ACTR3C: variants seen among roughly 807,000 people sequenced by gnomAD.
The protein encoded by ACTR3C is actin-related protein 3C.
Under a neutral mutation model 26.3 loss-of-function variants are expected in ACTR3C, and 18 were observed. The observed-to-expected ratio is 0.68, with a 90% CI of 0.47 to 1.01. ACTR3C has a LOEUF of 1.01. ACTR3C is among the 50% of genes least tolerant of loss of function. ACTR3C has a pLI of 0.00. For missense variants in ACTR3C, 184 were observed against 250.7 expected (o/e 0.73, Z 1.80); for synonymous variants, 55 against 94.5 (o/e 0.58, Z 2.42).
the ACTR3C span, among the ~76,000 whole-genome samples, chr7:150,054,314 G>A: frequency 6.6e-6 from 1 of 152,230 alleles, no homozygotes; most frequent in Non-Finnish European, 1.5e-5. Context: ...CTGCAGGGAA[G>A]CATCTTAACC....
At chr7:149,971,334 C>T in the ACTR3C span, among the ~76,000 whole-genome samples, 1 of 152,098 alleles carries the variant, frequency 6.6e-6, no homozygotes. Context: ...CTGTGCCCTA[C>T]CGATGGGGTG....
At chr7:150,221,229 A>G in the ACTR3C span, among the ~76,000 whole-genome samples, 1 of 152,184 alleles carries the variant, frequency 6.6e-6, no homozygotes, top group Non-Finnish European at 1.5e-5. Context: ...GAGTACATCC[A>G]TTCCTTTCTG....
chr7:149,882,394 G>A, the ACTR3C span, among the ~76,000 whole-genome samples: 1 of 152,246 alleles, frequency 6.6e-6, no homozygotes, highest in South Asian at 2.1e-4. Context: ...CTGGGCCTGG[G>A]AGGTGGAGTC....
At chr7:149,939,103 C>A in the ACTR3C span, among the ~76,000 whole-genome samples, 2 of 152,000 alleles carry the variant, frequency 1.3e-5, no homozygotes, top group East Asian at 3.9e-4. Flanking sequence ...GCCTCAGACT[C>A]CTGAGTAGTT....
chr7:150,074,136 C>G, the ACTR3C span: 4 of 152,214 alleles, frequency 2.6e-5, no homozygotes, highest in African/African-American at 9.7e-5. Context: ...ACTCCAGGCC[C>G]AGGCTTGAGC....
chr7:150,136,070 G>C, the ACTR3C span, among the ~76,000 whole-genome samples: 2 of 152,156 alleles, frequency 1.3e-5, no homozygotes, highest in East Asian at 3.9e-4. Flanking sequence ...GAATATATGT[G>C]AGGACACTGA....
the ACTR3C span, among the ~76,000 whole-genome samples, chr7:150,227,688 G>GTTTTTTTTT: frequency 2.0e-4 from 22 of 111,378 alleles, no homozygotes; most frequent in African/African-American, 3.4e-4. Context: ...TTGTGTCTGG[G>GTTTTTTTTT]TTTTTTTTTT....
the ACTR3C span, among the ~76,000 whole-genome samples, chr7:149,907,800 C>T: frequency 6.6e-6 from 1 of 152,140 alleles, no homozygotes; most frequent in African/African-American, 2.4e-5. Flanking sequence ...TCACACTTAA[C>T]AAGGTTAAAA....
At chr7:150,281,231 C>T (rs1268546105) in intron 6 of ACTR3C, among the ~76,000 whole-genome samples, 1 of 151,848 alleles carries the variant, frequency 6.6e-6, no homozygotes, top group Admixed American at 6.5e-5. Flanking sequence ...AATGCGCGGC[C>T]GTCCAGAGAA....
the ACTR3C span, among the ~76,000 whole-genome samples, chr7:149,906,714 G>A: frequency 7.8e-6 from 1 of 127,684 alleles, no homozygotes; most frequent in Non-Finnish European, 1.6e-5. Flanking sequence ...TTACAGGCGT[G>A]AGCCACCGCG....
the ACTR3C span, among the ~76,000 whole-genome samples, chr7:150,006,360 C>A: frequency 1.3e-5 from 2 of 150,162 alleles, no homozygotes; most frequent in African/African-American, 4.9e-5. Flanking sequence ...CCACGCCTGG[C>A]TAATTTTTTT....
intron 3 of ACTR3C, among the ~76,000 whole-genome samples, chr7:150,290,054 C>T (rs1355868395): frequency 6.6e-6 from 1 of 152,076 alleles, no homozygotes; most frequent in Non-Finnish European, 1.5e-5. Flanking sequence ...ACAACCTGGA[C>T]TCAAATCCCA....
intron 1 of ACTR3C, among the ~76,000 whole-genome samples, chr7:150,299,936 T>C (rs1005498197): frequency 3.3e-5 from 5 of 151,888 alleles, no homozygotes; most frequent in Non-Finnish European, 7.4e-5. Flanking sequence ...CAGTTAAAAA[T>C]GGCTAATAGG....
chr7:150,122,145 A>G, the ACTR3C span, among the ~76,000 whole-genome samples: 1 of 152,232 alleles, frequency 6.6e-6, no homozygotes, highest in African/African-American at 2.4e-5. Context: ...AACCTAGGCA[A>G]TACCATTCAT....
At chr7:150,022,352 G>A in the ACTR3C span, among the ~76,000 whole-genome samples, 1 of 150,858 alleles carries the variant, frequency 6.6e-6, no homozygotes, top group Admixed American at 6.6e-5. Flanking sequence ...TGAGTTCCTT[G>A]TACATTCTGG....
the ACTR3C span, among the ~76,000 whole-genome samples, chr7:149,885,517 C>T: frequency 1.6e-4 from 24 of 152,226 alleles, no homozygotes; most frequent in Non-Finnish European, 3.1e-4. Context: ...TCCCCGCAGG[C>T]GGCTTCCTGA....
the ACTR3C span, among the ~76,000 whole-genome samples, chr7:149,962,288 T>C: frequency 6.6e-6 from 1 of 152,126 alleles, no homozygotes; most frequent in Non-Finnish European, 1.5e-5. Context: ...AAAGGAAGTA[T>C]ACACTTACAG....
chr7:150,039,522 C>G, the ACTR3C span, among the ~76,000 whole-genome samples: 2 of 87,554 alleles, frequency 2.3e-5, no homozygotes, highest in Non-Finnish European at 5.2e-5. Context: ...GGGTGCCTCC[C>G]CCTCCTGCGA....
At chr7:150,289,075 C>T (rs1836007490) in intron 4 of ACTR3C, among the ~76,000 whole-genome samples, 1 of 151,808 alleles carries the variant, frequency 6.6e-6, no homozygotes, top group South Asian at 2.1e-4. Flanking sequence ...GCTCTGGATC[C>T]TAGGTTGGCA....
Sources: allele counts gnomAD v4.1 joint callset (sites outside exome capture counted in the v4.1 genomes callset), GRCh38; gene constraint gnomAD v4.1.1; transcripts MANE v1.5; gene names NCBI Gene and HGNC (gene_info 2026-07-23, HGNC 2026-07-21).